Variants in DMD observed in about 807,000 individuals in gnomAD.
DMD encodes the protein dystrophin.
Under a neutral mutation model 330.1 loss-of-function variants are expected in DMD, and 63 were observed. The ratio of observed to expected loss-of-function variants is 0.19; its 90% confidence interval spans 0.16 to 0.24. The LOEUF is 0.24. DMD is among the 10% of genes least tolerant of loss of function. The pLI is 1.00. For synonymous variants in DMD, 1,223 were observed against 959.8 expected (o/e 1.27, Z -5.07); for missense variants, 3,344 against 2,684.1 (o/e 1.25, Z -5.43).
At chrX:32,772,152 G>A (rs1322517172) in intron 7 of DMD, among the ~76,000 whole-genome samples, 1 of 112,541 alleles carries the variant, frequency 8.9e-6, no homozygotes, top group African/African-American at 3.2e-5. Flanking sequence ...AGATACTGCT[G>A]TAAAAGTTTC....
intron 23 of DMD, among the ~76,000 whole-genome samples, chrX:32,465,784 C>A (rs1248626184): frequency 2.7e-5 from 3 of 109,701 alleles, no homozygotes; most frequent in Non-Finnish European, 3.8e-5. Context: ...CAGGGTTTCG[C>A]CATGTTGGCC....
chrX:32,265,825 G>A (rs1365136823), intron 43 of DMD, among the ~76,000 whole-genome samples: 1 of 112,241 alleles, frequency 8.9e-6, no homozygotes, highest in African/African-American at 3.2e-5. Flanking sequence ...AACCAATGCT[G>A]GTACCTCCAT....
chrX:32,296,717 A>C (rs762798781), intron 42 of DMD, among the ~76,000 whole-genome samples: 23 of 111,897 alleles, frequency 2.1e-4, no homozygotes, highest in African/African-American at 6.5e-4. Flanking sequence ...TCAGTCAAAA[A>C]TTTCAATTAG....
chrX:31,267,481 C>T (rs2051276496), intron 62 of DMD, among the ~76,000 whole-genome samples: 1 of 111,962 alleles, frequency 8.9e-6, no homozygotes, highest in Admixed American at 9.4e-5. Flanking sequence ...AAAATGTAGA[C>T]CCTGGGAACA....
chrX:33,270,825 T>C (rs745452004), intron 1 of DMD, among the ~76,000 whole-genome samples: 60 of 111,836 alleles, frequency 5.4e-4, no homozygotes, highest in Non-Finnish European at 8.3e-4. Flanking sequence ...AGGGTCAACA[T>C]AAGATCACTG....
intron 18 of DMD, among the ~76,000 whole-genome samples, chrX:32,508,901 C>T (rs1449388733): frequency 9.1e-6 from 1 of 110,464 alleles, no homozygotes; most frequent in Non-Finnish European, 1.9e-5. Flanking sequence ...AGCTCCGCCT[C>T]CCGGGTTCAC....
chrX:32,400,080 T>C (rs1246684218), intron 30 of DMD, among the ~76,000 whole-genome samples: 3 of 111,701 alleles, frequency 2.7e-5, no homozygotes, highest in Admixed American at 9.5e-5. Flanking sequence ...TTCAGTATGA[T>C]ATTGGCTGTG....
At chrX:32,558,944 T>TTTTTTTTTTTTTCC (rs1569199574) in intron 16 of DMD, among the ~76,000 whole-genome samples, 1 of 38,214 alleles carries the variant, frequency 2.6e-5, no homozygotes, top group African/African-American at 8.3e-5. Context: ...TTTTCTTTTT[T>TTTTTTTTTTTTTCC]TTTTTTTTTT....
intron 7 of DMD, among the ~76,000 whole-genome samples, chrX:32,789,920 AATG>A (rs1569522229): frequency 8.9e-6 from 1 of 112,366 alleles, no homozygotes; most frequent in African/African-American, 3.2e-5. Flanking sequence ...ATCTCACAAG[AATG>A]ATATTACAGG....
chrX:33,005,662 A>C (rs1016174621), intron 2 of DMD, among the ~76,000 whole-genome samples: 1 of 110,613 alleles, frequency 9.0e-6, no homozygotes, highest in African/African-American at 3.3e-5. Context: ...CATCCTATTT[A>C]GTGGTGAGAA....
chrX:31,175,038 A>T (rs1220076960), intron 71 of DMD, among the ~76,000 whole-genome samples: 1 of 112,060 alleles, frequency 8.9e-6, no homozygotes, highest in African/African-American at 3.2e-5. Flanking sequence ...TGGAGAGTTA[A>T]TCTGTTAATC....
intron 43 of DMD, among the ~76,000 whole-genome samples, chrX:32,256,173 G>A (rs1183900182): frequency 9.0e-6 from 1 of 110,989 alleles, no homozygotes; most frequent in Non-Finnish European, 1.9e-5. Flanking sequence ...CCTGTATTGG[G>A]TGCATATATA....
At chrX:31,761,296 A>G (rs1603461461) in intron 51 of DMD, among the ~76,000 whole-genome samples, 1 of 111,133 alleles carries the variant, frequency 9.0e-6, no homozygotes, top group Admixed American at 9.6e-5. Context: ...AAGGAGGGCA[A>G]TATCTACAAG....
chrX:31,886,132 A>T (rs1205826558), intron 47 of DMD, among the ~76,000 whole-genome samples: 1 of 111,261 alleles, frequency 9.0e-6, no homozygotes, highest in Non-Finnish European at 1.9e-5. Flanking sequence ...AAAAAATTTA[A>T]TGTAAATGCT....
intron 49 of DMD, among the ~76,000 whole-genome samples, chrX:31,832,869 G>C (rs921984153): frequency 5.4e-5 from 6 of 111,989 alleles, no homozygotes; most frequent in Non-Finnish European, 1.1e-4. Flanking sequence ...TGAAAGTGTA[G>C]TTTTCCAACT....
chrX:32,777,745 T>G (rs921189769), intron 7 of DMD, among the ~76,000 whole-genome samples: 1 of 112,549 alleles, frequency 8.9e-6, no homozygotes, highest in African/African-American at 3.2e-5. Flanking sequence ...CATAAGCATT[T>G]GAAACAGCCC....
rs748481742 is a variant in DMD at position 32,471,507 on chromosome X, C to T, written c.2949+657G>A. Among the ~76,000 whole-genome samples, 5 of 111,769 alleles carry T rather than the reference C, an allele frequency of 4.5e-5. No homozygotes were observed. The South Asian group carries it at 1.5e-3, about 33-fold the overall frequency. Reference sequence around the variant, plus strand: ...CTGAATGAGTGGATTCAGTCAACTACTAATAGATAATATTTGACAAAAATA... The same window carrying T: ...CTGAATGAGTGGATTCAGTCAACTATTAATAGATAATATTTGACAAAAATA... On this transcript the variant is annotated intron_variant, in intron 22 of 78. Transcript: ENST00000357033.
At chrX:31,987,058 T>C (rs2150292236) in intron 44 of DMD, among the ~76,000 whole-genome samples, 1 of 112,392 alleles carries the variant, frequency 8.9e-6, no homozygotes, top group South Asian at 3.7e-4. Context: ...ATCTATCATC[T>C]ATCTGTTTAC....
At chrX:32,466,809 G>A (rs2040076163) in intron 23 of DMD, among the ~76,000 whole-genome samples, 1 of 111,807 alleles carries the variant, frequency 8.9e-6, no homozygotes, top group Admixed American at 9.5e-5. Context: ...AACAGACTCT[G>A]TCGCAAAGCC....
Sources: gnomAD v4.1 joint callset for allele counts (sites outside exome capture counted in the v4.1 genomes callset) on GRCh38, gnomAD v4.1.1 for gene constraint, MANE v1.5 for transcripts, NCBI Gene and HGNC (gene_info 2026-07-23, HGNC 2026-07-21) for gene names.